The following TNRC6B variants were observed in gnomAD, a reference collection of about 807,000 sequenced individuals.
TNRC6B encodes trinucleotide repeat containing adaptor 6B, also known as trinucleotide repeat-containing gene 6B protein.
In TNRC6B, 52 loss-of-function variants were observed where a neutral mutation model predicts 203.6. That is an observed-to-expected ratio of 0.26 (90% CI 0.20 to 0.32). The LOEUF (loss-of-function observed/expected upper bound fraction) is 0.32, where lower values mean the gene tolerates loss of function less well. Ranked by LOEUF, TNRC6B falls within the 10% of genes least tolerant of loss-of-function variation. TNRC6B has a pLI of 1.00. For synonymous variants in TNRC6B, 838 were observed against 845.7 expected (o/e 0.99, Z 0.16); for missense variants, 1,923 against 2,286.2 (o/e 0.84, Z 3.24).
At chr22:40,198,586 G>A (rs1354000099) in intron 1 of TNRC6B, among the ~76,000 whole-genome samples, 1 of 152,004 alleles carries the variant, frequency 6.6e-6, no homozygotes, top group Non-Finnish European at 1.5e-5. Context: ...TTGAATATAG[G>A]AGGATTGATG....
At chr22:40,150,390 A>T (rs1015853780) in intron 3 of TNRC6B, among the ~76,000 whole-genome samples, 1 of 152,150 alleles carries the variant, frequency 6.6e-6, no homozygotes, top group Non-Finnish European at 1.5e-5. Context: ...AAAAATATAT[A>T]TTTTTACGAA....
At chr22:40,211,532 T>TA (rs2069563295) in intron 1 of TNRC6B, among the ~76,000 whole-genome samples, 1 of 152,172 alleles carries the variant, frequency 6.6e-6, no homozygotes, top group African/African-American at 2.4e-5. Context: ...GCCACAAACT[T>TA]ACTGTGGCTC....
rs2044021009 is a variant in TNRC6B at position 40,335,284 on chromosome 22, C to T, written c.*12043C>T. The T allele has an allele frequency of 6.8e-6, 1 of 146,064 alleles. No homozygotes were observed. The highest frequency in any genetic ancestry group is 2.5e-5 in the African/African-American group (1 of 39,464). 9.0% of individuals were successfully genotyped at this position (146,064 alleles called of 1,614,324 possible). A position where few individuals can be genotyped will look rare whatever the true frequency, so the allele number is the denominator to read the frequency against. ...AGAAACTAGGCACTTTAGAGGTGCA[C>T]TTGCATGGCAGGCTGGGCCCCCTTT... On this transcript the variant is annotated 3_prime_UTR_variant, in exon 23 of 23. Transcript: ENST00000454349.
At chr22:40,300,407 A>G in intron 12 of TNRC6B, 48 bp from the exon 13 acceptor site, 4 of 1,476,128 alleles carry the variant, frequency 2.7e-6, no homozygotes, top group Non-Finnish European at 3.6e-6. Context: ...ATTTTGATAA[A>G]TTCTGAAGAT....
intron 1 of TNRC6B, among the ~76,000 whole-genome samples, chr22:40,228,583 G>A (rs1266936153): frequency 6.7e-6 from 1 of 149,200 alleles, no homozygotes; most frequent in Admixed American, 6.7e-5. Flanking sequence ...GCAGCGGCGT[G>A]ATCTCGGCTC....
intron 1 of TNRC6B, among the ~76,000 whole-genome samples, chr22:40,206,242 G>T (rs913284223): frequency 6.6e-6 from 1 of 151,966 alleles, no homozygotes; most frequent in African/African-American, 2.4e-5. Flanking sequence ...GAACTTATTG[G>T]TGTAAGTATA....
At chr22:40,081,906 T>G (rs2068066550) in intron 1 of TNRC6B, among the ~76,000 whole-genome samples, 1 of 152,128 alleles carries the variant, frequency 6.6e-6, no homozygotes, top group African/African-American at 2.4e-5. Context: ...CTCCTTCCTG[T>G]GTCACTTTTC....
At chr22:40,109,567 T>C (rs2068315426) in intron 1 of TNRC6B, among the ~76,000 whole-genome samples, 1 of 152,242 alleles carries the variant, frequency 6.6e-6, no homozygotes, top group African/African-American at 2.4e-5. Flanking sequence ...GTTGGCCGAA[T>C]AAATGAACTA....
chr22:40,221,206 T>C (rs1311985653), intron 1 of TNRC6B, among the ~76,000 whole-genome samples: 1 of 152,180 alleles, frequency 6.6e-6, no homozygotes, highest in Non-Finnish European at 1.5e-5. Context: ...GGTAGTTTCT[T>C]TTTTGTCAGG....
chr22:40,316,094 C>A, intron 21 of TNRC6B, 82 bp downstream of exon 21: 2 of 1,337,974 alleles, frequency 1.5e-6, no homozygotes, highest in Non-Finnish European at 2.1e-6. Flanking sequence ...GTGGCTCATG[C>A]CTGTAATCCA....
chr22:40,066,729 T>C (rs1164861506), intron 1 of TNRC6B, among the ~76,000 whole-genome samples: 1 of 152,128 alleles, frequency 6.6e-6, no homozygotes, highest in East Asian at 1.9e-4. Flanking sequence ...TATTTGCTGG[T>C]ATATATTATT....
At chr22:40,314,205 C>G (rs902988109) in intron 19 of TNRC6B, among the ~76,000 whole-genome samples, 6 of 152,124 alleles carry the variant, frequency 3.9e-5, no homozygotes, top group African/African-American at 1.2e-4. Flanking sequence ...AAGTGTCTTT[C>G]CTTCTCAACT....
At chr22:40,067,449 A>C (rs755200122) in intron 1 of TNRC6B, among the ~76,000 whole-genome samples, 1 of 152,060 alleles carries the variant, frequency 6.6e-6, no homozygotes, top group Non-Finnish European at 1.5e-5. Flanking sequence ...GATACATGAG[A>C]GAGGATTTAG....
rs141265757 is a variant in TNRC6B at position 40,333,358 on chromosome 22, G to GAC, written c.*10131_*10132dup. ...ACTCAAAAACATAAAATAAACAAAA[G>GAC]ACACACACACACACAAAAACCCTGT... is the stretch of plus-strand genomic sequence containing the variant. On this transcript the variant is annotated 3_prime_UTR_variant, in exon 23 of 23. Coordinates refer to ENST00000454349, the MANE Select transcript of TNRC6B (RefSeq NM_001162501.2). The GAC allele has an allele frequency of 9.3e-4, 142 of 152,190 alleles. No homozygotes were observed. The highest frequency in any genetic ancestry group is 1.5e-3 in the Non-Finnish European group (99 of 67,920). The allele number at this position is 152,190 out of a possible 1,614,324, so 9.4% of individuals were successfully genotyped here.
At chr22:40,137,344 AACTCCAGGCCTGTCTG>A (rs2068608539) in intron 3 of TNRC6B, among the ~76,000 whole-genome samples, 1 of 152,202 alleles carries the variant, frequency 6.6e-6, no homozygotes. Flanking sequence ...ATTTGGGTTG[AACTCCAGGCCTGTCTG>A]ACTCCAGAGG....
In TNRC6B at chr22:40,244,089, TC is replaced by T. The variant is rs202070764; in HGVS notation, c.6-1924del. On this transcript the variant is annotated intron_variant, in intron 1 of 22. Coordinates refer to ENST00000454349, the MANE Select transcript of TNRC6B (RefSeq NM_001162501.2). ...AGCAACATGGGCATGAGGAACCCCA[TC>T]CACTCCTTCCACTTGCAGCCAGAGG... Among the ~76,000 whole-genome samples, 14 of 152,232 alleles carry T rather than the reference TC, an allele frequency of 9.2e-5. No individual in the cohort carries two copies. In the East Asian group the frequency reaches 1.3e-3, roughly 15 times the overall value.
intron 12 of TNRC6B, among the ~76,000 whole-genome samples, chr22:40,293,194 T>TC (rs2070892372): frequency 7.3e-6 from 1 of 137,724 alleles, no homozygotes; most frequent in Admixed American, 7.4e-5. Context: ...CCTTTTCTTT[T>TC]TTTTTTTTTT....
In TNRC6B at chr22:40,326,810, T is replaced by G. The variant is rs1228080518; in HGVS notation, c.*3569T>G. 1 of 152,662 alleles carries G rather than the reference T, an allele frequency of 6.6e-6. No homozygotes were observed. The highest frequency in any genetic ancestry group is 1.5e-5 in the Non-Finnish European group (1 of 68,034). The allele number at this position is 152,662 out of a possible 1,614,324, so 9.5% of individuals were successfully genotyped here. A position where few individuals can be genotyped will look rare whatever the true frequency, so the allele number is the denominator to read the frequency against. The stretch of plus-strand genomic sequence containing the variant: ...TACTAGAGGAAAATTATCTATGGAC[T>G]GTCCTATTAATGAAGAATGTCTGTC... On this transcript the variant is annotated 3_prime_UTR_variant, in exon 23 of 23. Coordinates refer to ENST00000454349, the MANE Select transcript of TNRC6B (RefSeq NM_001162501.2).
chr22:40,177,271 CAT>C (rs1194248882), upstream of TNRC6B, among the ~76,000 whole-genome samples: 1 of 152,116 alleles, frequency 6.6e-6, no homozygotes, highest in Non-Finnish European at 1.5e-5. Flanking sequence ...AGTGCTGAAG[CAT>C]AGTTTTTATT....
Sources: allele counts gnomAD v4.1 joint callset (sites outside exome capture counted in the v4.1 genomes callset), GRCh38; gene constraint gnomAD v4.1.1; transcripts MANE v1.5; gene names NCBI Gene and HGNC (gene_info 2026-07-23, HGNC 2026-07-21).